Variants in TLN2 observed in about 807,000 individuals in gnomAD.
TLN2 encodes talin-2.
TLN2 carries 118 observed loss-of-function variants against 294.7 expected under a neutral mutation model. The ratio of observed to expected loss-of-function variants is 0.40; its 90% CI spans 0.34 to 0.47. The LOEUF (loss-of-function observed/expected upper bound fraction) is 0.47. Ranked by LOEUF, TLN2 falls within the 20% of genes least tolerant of loss-of-function variation. The probability of loss-of-function intolerance (pLI) is 0.84; values close to 1 mark genes in which losing one functional copy is unlikely to be tolerated. For missense variants in TLN2, 3,083 were observed against 3,282.2 expected (o/e 0.94, Z 1.48); for synonymous variants, 1,431 against 1,304.5 (o/e 1.10, Z -2.09).
At chr15:62,578,465 G>A (rs1425205703) in intron 1 of TLN2, among the ~76,000 whole-genome samples, 1 of 152,162 alleles carries the variant, frequency 6.6e-6, no homozygotes, top group Non-Finnish European at 1.5e-5. Context: ...TTCTCGGGAG[G>A]CTGAGGCAGG....
chr15:62,694,166 G>A (rs1198977035), intron 13 of TLN2, 150 bp from the exon 14 acceptor site: 8 of 555,948 alleles, frequency 1.4e-5, no homozygotes, highest in Middle Eastern at 4.8e-4. Context: ...TATTAGAGAC[G>A]GGGTCTCACT....
At chr15:62,560,301 C>T (rs1037361965) in intron 1 of TLN2, among the ~76,000 whole-genome samples, 19 of 152,122 alleles carry the variant, frequency 1.2e-4, no homozygotes, top group Admixed American at 1.1e-3. Flanking sequence ...AGTGCGGTGG[C>T]GGTATCTTGG....
At chr15:62,452,879 G>C (rs1263726818) in intron 1 of TLN2, among the ~76,000 whole-genome samples, 2 of 152,120 alleles carry the variant, frequency 1.3e-5, no homozygotes, top group Non-Finnish European at 2.9e-5. Context: ...TGGACTGGCA[G>C]CTGGGGGCTC....
chr15:62,833,377 A>C (rs2069083567), intron 54 of TLN2, 127 bp from the exon 55 acceptor site: 10 of 1,330,678 alleles, frequency 7.5e-6, no homozygotes, highest in Non-Finnish European at 7.2e-6. Flanking sequence ...ATCCCATTTC[A>C]GGTGTGGTTT....
At chr15:62,507,763 G>A (rs554279890) in intron 1 of TLN2, among the ~76,000 whole-genome samples, 1 of 152,192 alleles carries the variant, frequency 6.6e-6, no homozygotes, top group Non-Finnish European at 1.5e-5. Flanking sequence ...AAGGATGTAG[G>A]CAGTACTGGG....
At chr15:62,813,922 C>G in intron 52 of TLN2, among the ~76,000 whole-genome samples, 1 of 151,682 alleles carries the variant, frequency 6.6e-6, no homozygotes, top group East Asian at 1.9e-4. Flanking sequence ...TCAAATGATT[C>G]TCCTGCCTCA....
chr15:62,560,695 A>G (rs1380727681), intron 1 of TLN2, among the ~76,000 whole-genome samples: 1 of 152,242 alleles, frequency 6.6e-6, no homozygotes, highest in East Asian at 1.9e-4. Context: ...CAGGCATTCT[A>G]AAGTATGTCT....
chr15:62,455,309 C>G (rs2036407945), intron 1 of TLN2, among the ~76,000 whole-genome samples: 1 of 151,960 alleles, frequency 6.6e-6, no homozygotes, highest in South Asian at 2.1e-4. Flanking sequence ...GAAGGGGTTC[C>G]TGGAGGTGCA....
chr15:62,442,659 GAAA>G (rs568124222), intron 1 of TLN2, among the ~76,000 whole-genome samples: 1 of 149,470 alleles, frequency 6.7e-6, no homozygotes, highest in Admixed American at 6.7e-5. Flanking sequence ...TGAGATAATA[GAAA>G]AAAAAAATTT....
At position 62,748,521 on chromosome 15, in the gene TLN2, ATGTCTG is replaced by A. The variant is rs1197033707; in HGVS notation, c.4119+85_4119+90del. 12 of 1,188,636 alleles carry A rather than the reference ATGTCTG, an allele frequency of 1.0e-5. No homozygotes were observed. The Admixed American group carries it at 1.9e-4, about 19-fold the overall frequency. The allele number at this position is 1,188,636 out of a possible 1,614,324, so 73.6% of individuals were successfully genotyped here. A position where few individuals can be genotyped will look rare whatever the true frequency, so the allele number is the denominator to read the frequency against. ...TGTGTGTCTGTGTGTCTGTCTGTCT[ATGTCTG>A]TGTCTGTTCTTTCCCTATAGGGCTA... On this transcript the variant is annotated intron_variant, in intron 33 of 58. Transcript: ENST00000636159.
chr15:62,504,609 A>G (rs1049342692), intron 1 of TLN2, among the ~76,000 whole-genome samples: 1 of 152,232 alleles, frequency 6.6e-6, no homozygotes, highest in Non-Finnish European at 1.5e-5. Context: ...ATGCTGAAAC[A>G]GTTGGGTATC....
intron 1 of TLN2, among the ~76,000 whole-genome samples, chr15:62,449,033 T>C (rs979406856): frequency 6.6e-6 from 1 of 152,198 alleles, no homozygotes; most frequent in Admixed American, 6.5e-5. Flanking sequence ...CTTTGATGTG[T>C]AGTAAAAATG....
chr15:62,624,347 C>T (rs904246105), intron 3 of TLN2, among the ~76,000 whole-genome samples: 4 of 152,168 alleles, frequency 2.6e-5, no homozygotes, highest in African/African-American at 7.2e-5. Context: ...TTCCCTGCTT[C>T]TCAGCTGATA....
intron 9 of TLN2, among the ~76,000 whole-genome samples, chr15:62,662,037 T>C (rs1057420232): frequency 6.6e-6 from 1 of 151,992 alleles, no homozygotes; most frequent in African/African-American, 2.4e-5. Context: ...CTTCCCTCAG[T>C]GAATGATTAG....
At chr15:62,607,160 C>G (rs1253833860) in intron 2 of TLN2, among the ~76,000 whole-genome samples, 1 of 152,198 alleles carries the variant, frequency 6.6e-6, no homozygotes, top group Admixed American at 6.5e-5. Flanking sequence ...TGCTCCTGCC[C>G]TTCAAGCACC....
chr15:62,408,539 A>G (rs529726288), intron 1 of TLN2, among the ~76,000 whole-genome samples: 8 of 152,192 alleles, frequency 5.3e-5, no homozygotes, highest in South Asian at 2.1e-4. Flanking sequence ...TAATGAAACT[A>G]TTTATAAGCT....
intron 1 of TLN2, among the ~76,000 whole-genome samples, chr15:62,444,469 T>C (rs1028823521): frequency 6.6e-6 from 1 of 152,254 alleles, no homozygotes; most frequent in Non-Finnish European, 1.5e-5. Flanking sequence ...ACCTATAAAA[T>C]GGAATAATGT....
At chr15:62,829,793 A>C (rs1303538505) in intron 54 of TLN2, 1 of 151,752 alleles carries the variant, frequency 6.6e-6, no homozygotes, top group Non-Finnish European at 1.5e-5. Flanking sequence ...GCCCCTCACT[A>C]CCCTTCCCAG....
chr15:62,742,024 G>GTGTGTGTGTGTGTGTGTGTGT (rs1491242073), intron 32 of TLN2, among the ~76,000 whole-genome samples: 2 of 82,220 alleles, frequency 2.4e-5, no homozygotes, highest in Non-Finnish European at 2.6e-5. Context: ...CTTGTAGTGG[G>GTGTGTGTGTGTGTGTGTGTGT]GTGTGTGTGT....
Sources: allele counts gnomAD v4.1 joint callset (sites outside exome capture counted in the v4.1 genomes callset), GRCh38; gene constraint gnomAD v4.1.1; transcripts MANE v1.5; gene names NCBI Gene and HGNC (gene_info 2026-07-23, HGNC 2026-07-21).